The following RBFOX1 variants were observed in gnomAD, a reference collection of about 807,000 sequenced individuals.
RBFOX1 encodes the protein RNA binding fox-1 homolog 1, also known as RNA binding protein fox-1 homolog 1.
Under a neutral mutation model 57.7 loss-of-function variants are expected in RBFOX1, and 8 were observed. That is an observed-to-expected ratio of 0.14 (90% CI 0.08 to 0.25). RBFOX1 has a LOEUF of 0.25. RBFOX1 is among the 10% of genes least tolerant of loss of function. RBFOX1 has a pLI of 1.00. For missense variants in RBFOX1, 611 were observed against 548.5 expected, an observed-to-expected ratio of 1.11 and a Z score of -1.14; for synonymous variants, 326 against 222.4, an observed-to-expected ratio of 1.47 and a Z score of -4.15.
chr16:6,802,550 A>G (rs909323769), intron 3 of RBFOX1, among the ~76,000 whole-genome samples: 1 of 152,076 alleles, frequency 6.6e-6, no homozygotes, highest in African/African-American at 2.4e-5. Context: ...GGTGGTGCAC[A>G]CCTGTAATCC....
intron 4 of RBFOX1, among the ~76,000 whole-genome samples, chr16:5,876,736 A>G (rs562806165): frequency 7.7e-4 from 117 of 152,342 alleles, no homozygotes; most frequent in Non-Finnish European, 1.2e-3. Context: ...TTTAAGATCA[A>G]AAGATGTGCT....
intron 4 of RBFOX1, among the ~76,000 whole-genome samples, chr16:7,399,420 C>G (rs1054268261): frequency 6.6e-6 from 1 of 152,050 alleles, no homozygotes; most frequent in African/African-American, 2.4e-5. Context: ...GCACTCCAGC[C>G]TGGGTAACAA....
At chr16:5,293,962 C>G (rs2151181225) in intron 1 of RBFOX1, among the ~76,000 whole-genome samples, 1 of 152,320 alleles carries the variant, frequency 6.6e-6, no homozygotes, top group East Asian at 1.9e-4. Context: ...GGAGCAATGG[C>G]TCATGCCTGT....
intron 2 of RBFOX1, among the ~76,000 whole-genome samples, chr16:6,453,722 T>G (rs1381497025): frequency 6.6e-6 from 1 of 152,212 alleles, no homozygotes; most frequent in Non-Finnish European, 1.5e-5. Context: ...GTTTCACTGG[T>G]GTTGTCTGTA....
At chr16:7,414,604 TTTTTA>T (rs1409629792) in intron 4 of RBFOX1, among the ~76,000 whole-genome samples, 1 of 152,112 alleles carries the variant, frequency 6.6e-6, no homozygotes, top group Non-Finnish European at 1.5e-5. Context: ...TCAAATATTG[TTTTTA>T]TTTTATTTTA....
intron 4 of RBFOX1, among the ~76,000 whole-genome samples, chr16:7,366,178 A>G (rs539023704): frequency 7.5e-4 from 115 of 152,334 alleles, no homozygotes; most frequent in African/African-American, 2.4e-3. Context: ...CAAGACCAGG[A>G]TGATTTTAAG....
chr16:5,422,440 T>A (rs111063926), intron 1 of RBFOX1, among the ~76,000 whole-genome samples: 5 of 84,220 alleles, frequency 5.9e-5, no homozygotes, highest in Admixed American at 1.6e-4. Context: ...GGGAGTATGA[T>A]GGAGAGGGAA....
intron 2 of RBFOX1, among the ~76,000 whole-genome samples, chr16:5,574,991 C>T (rs931114989): frequency 6.6e-5 from 10 of 152,156 alleles, no homozygotes; most frequent in Non-Finnish European, 1.2e-4. Context: ...CTGGCCTTGT[C>T]CCCTGGCTAA....
At chr16:6,138,225 C>T (rs2096683320) in intron 1 of RBFOX1, among the ~76,000 whole-genome samples, 1 of 152,240 alleles carries the variant, frequency 6.6e-6, no homozygotes, top group East Asian at 1.9e-4. Context: ...CCACACCCTG[C>T]ACTTGGTTTG....
In RBFOX1 at chr16:6,767,136, T is replaced by C. The variant is rs565226237; in HGVS notation, c.-16+112486T>C. ...GGGACCACCTCTCTTGCATTTTTCCTCCATACTTCCAGAGAGCTGGCTCCT... is the reference window on the plus strand; with the variant it reads ...GGGACCACCTCTCTTGCATTTTTCCCCCATACTTCCAGAGAGCTGGCTCCT... On this transcript the variant is annotated intron_variant, in intron 3 of 15. Transcript: ENST00000550418. Among the ~76,000 whole-genome samples, 7 of 152,274 alleles carry C rather than the reference T, an allele frequency of 4.6e-5. 1 individual carries two copies. The East Asian group carries it at 9.7e-4, about 21-fold the overall frequency.
intron 4 of RBFOX1, among the ~76,000 whole-genome samples, chr16:7,432,578 G>A (rs559643754): frequency 1.6e-4 from 25 of 152,298 alleles, no homozygotes; most frequent in Admixed American, 3.9e-4. Context: ...GGGCCATCTG[G>A]TCTCTGTCAC....
intron 5 of RBFOX1, among the ~76,000 whole-genome samples, chr16:7,525,468 A>C (rs1322060192): frequency 1.3e-5 from 2 of 152,146 alleles, no homozygotes; most frequent in Non-Finnish European, 2.9e-5. Context: ...TAAAAGGTAC[A>C]TGGACTTAAG....
intron 1 of RBFOX1, among the ~76,000 whole-genome samples, chr16:6,074,641 G>A (rs1417757059): frequency 1.3e-5 from 2 of 152,216 alleles, no homozygotes; most frequent in Non-Finnish European, 2.9e-5. Flanking sequence ...ACAACCAAAA[G>A]TGGTGATTTA....
chr16:6,018,960 C>A, upstream of RBFOX1: 1 of 441,338 alleles, frequency 2.3e-6, no homozygotes, highest in Non-Finnish European at 3.0e-6. Context: ...CAGGGCTGCA[C>A]GCGTGACCGC....
At chr16:6,406,190 C>G (rs2093274360) in intron 2 of RBFOX1, among the ~76,000 whole-genome samples, 1 of 152,200 alleles carries the variant, frequency 6.6e-6, no homozygotes, top group African/African-American at 2.4e-5. Flanking sequence ...AAACAGAATG[C>G]TCTGTCATTG....
At chr16:7,498,342 A>C (rs2069398151) in intron 4 of RBFOX1, among the ~76,000 whole-genome samples, 2 of 152,276 alleles carry the variant, frequency 1.3e-5, no homozygotes, top group South Asian at 4.1e-4. Context: ...CTAATGGTGT[A>C]CATGGGTCTC....
At chr16:6,897,315 A>G (rs935496622) in intron 3 of RBFOX1, among the ~76,000 whole-genome samples, 2 of 152,212 alleles carry the variant, frequency 1.3e-5, no homozygotes, top group Non-Finnish European at 2.9e-5. Flanking sequence ...AGGAGGGAGA[A>G]TCGCTTGAAC....
intron 3 of RBFOX1, among the ~76,000 whole-genome samples, chr16:5,811,093 A>G (rs2055410781): frequency 6.7e-6 from 1 of 149,480 alleles, no homozygotes; most frequent in Non-Finnish European, 1.5e-5. Flanking sequence ...AAATCCGTAC[A>G]TTGGTTTGCA....
intron 2 of RBFOX1, among the ~76,000 whole-genome samples, chr16:6,596,848 A>G (rs750986350): frequency 1.3e-5 from 2 of 152,194 alleles, no homozygotes; most frequent in African/African-American, 2.4e-5. Flanking sequence ...TGATAGTTCT[A>G]TATAGTGCTA....
Sources: gnomAD v4.1 joint callset for allele counts (sites outside exome capture counted in the v4.1 genomes callset) on GRCh38, gnomAD v4.1.1 for gene constraint, MANE v1.5 for transcripts, NCBI Gene and HGNC (gene_info 2026-07-23, HGNC 2026-07-21) for gene names.